Variants in ARHGEF4 observed in about 807,000 individuals in gnomAD.
ARHGEF4 encodes Rho guanine nucleotide exchange factor 4.
ARHGEF4 carries 119 observed loss-of-function variants against 162.0 expected under a neutral mutation model. The ratio of observed to expected loss-of-function variants is 0.73; its 90% CI spans 0.63 to 0.86. ARHGEF4 has a LOEUF of 0.86. Among genes scored for constraint, ARHGEF4 ranks in the 40% least tolerant of loss-of-function variants. ARHGEF4 has a pLI of 0.00. For synonymous variants in ARHGEF4, 1,014 were observed against 979.9 expected, an observed-to-expected ratio of 1.03 and a Z score of -0.65; for missense variants, 2,488 against 2,456.0, an observed-to-expected ratio of 1.01 and a Z score of -0.28.
intron 2 of ARHGEF4, among the ~76,000 whole-genome samples, chr2:130,919,844 C>G (rs1467807831): frequency 6.6e-6 from 1 of 151,722 alleles, no homozygotes; most frequent in African/African-American, 2.4e-5. Context: ...CCACTGCACT[C>G]CAACCTGGGC....
chr2:130,840,210 A>G (rs1016261181), intron 1 of ARHGEF4, among the ~76,000 whole-genome samples: 2 of 142,706 alleles, frequency 1.4e-5, no homozygotes, highest in African/African-American at 2.5e-5. Context: ...ACACAGGTGT[A>G]CACACAGGTG....
chr2:130,877,881 T>C (rs887071998), intron 1 of ARHGEF4, among the ~76,000 whole-genome samples: 46 of 152,228 alleles, frequency 3.0e-4, no homozygotes, highest in African/African-American at 1.1e-3. Flanking sequence ...TTTGACTGTT[T>C]GCTTTAACCA....
chr2:130,943,648 C>T (rs527324223), intron 3 of ARHGEF4, among the ~76,000 whole-genome samples: 11 of 151,990 alleles, frequency 7.2e-5, no homozygotes, highest in African/African-American at 1.4e-4. Context: ...TTAACATTTC[C>T]GTCTAGTTAG....
chr2:131,039,799 G>C lies in ARHGEF4; in HGVS notation c.4306-217G>C, dbSNP rs982081117. 4 of 1,407,122 alleles carry C rather than the reference G, an allele frequency of 2.8e-6. No homozygotes were observed. The African/African-American group carries it at 6.1e-5, about 21-fold the overall frequency. The allele number at this position is 1,407,122 out of a possible 1,614,324, so 87.2% of individuals were successfully genotyped here. Reference sequence around the variant, plus strand: ...AGGAAGGAGGCCAAATCGGTATTCGGATCACACTGACGGCGGCTGCGGGCG... The same window carrying C: ...AGGAAGGAGGCCAAATCGGTATTCGCATCACACTGACGGCGGCTGCGGGCG... On this transcript the variant is annotated intron_variant, in intron 6 of 13. Transcript: ENST00000409359.
chr2:130,920,546 G>A (rs1318254958), intron 2 of ARHGEF4, among the ~76,000 whole-genome samples: 5 of 152,186 alleles, frequency 3.3e-5, no homozygotes, highest in Admixed American at 3.3e-4. Context: ...AGCTCAGAAA[G>A]GTTCCCTCTG....
chr2:130,922,371 C>CA (rs879394025), intron 2 of ARHGEF4, among the ~76,000 whole-genome samples: 3,405 of 134,800 alleles, frequency 0.025, 111 homozygotes, highest in African/African-American at 0.085. Context: ...AACTCTGTCT[C>CA]AAAAAAAAAA....
intron 1 of ARHGEF4, among the ~76,000 whole-genome samples, chr2:130,865,522 G>A (rs577147217): frequency 2.6e-5 from 4 of 152,252 alleles, no homozygotes; most frequent in Non-Finnish European, 5.9e-5. Flanking sequence ...TAGTCATCAT[G>A]GTTATTTTCC....
intron 4 of ARHGEF4, among the ~76,000 whole-genome samples, chr2:131,015,005 G>A (rs893511576): frequency 2.6e-5 from 4 of 152,188 alleles, no homozygotes; most frequent in African/African-American, 9.7e-5. Flanking sequence ...TCTCACCTGT[G>A]TGTGAGCTGC....
intron 1 of ARHGEF4, among the ~76,000 whole-genome samples, chr2:130,901,574 G>A (rs1680492092): frequency 6.6e-6 from 1 of 151,354 alleles, no homozygotes; most frequent in Admixed American, 6.6e-5. Context: ...AGGCTGGAGT[G>A]CAATCACGCA....
At chr2:130,872,260 G>T (rs114422387) in intron 1 of ARHGEF4, among the ~76,000 whole-genome samples, 1 of 152,188 alleles carries the variant, frequency 6.6e-6, no homozygotes, top group Non-Finnish European at 1.5e-5. Context: ...GAGAGGGTGT[G>T]TGAGCGACAT....
intron 3 of ARHGEF4, among the ~76,000 whole-genome samples, chr2:130,933,711 G>A (rs1682776625): frequency 6.6e-6 from 1 of 152,116 alleles, no homozygotes; most frequent in Non-Finnish European, 1.5e-5. Context: ...ATTTTTAAAA[G>A]CTTCATTTTG....
intron 1 of ARHGEF4, among the ~76,000 whole-genome samples, chr2:130,909,546 C>T (rs571335312): frequency 1.2e-4 from 18 of 152,056 alleles, no homozygotes; most frequent in African/African-American, 3.4e-4. Context: ...AAGAGATCAA[C>T]GGTCATCATA....
rs1373735872 is a variant in ARHGEF4, at chr2:130,914,010, C to A, written c.64C>A (p.Pro22Thr). 6.5e-7 allele frequency: 1 copy of A among 1,535,964 alleles called. No individual in the cohort carries two copies. The highest frequency in any genetic ancestry group is 1.4e-5 in the African/African-American group (1 of 73,020). Reference protein sequence around the residue: ...FKTPEPGAHLPGEGEIEDNQL... With the variant: ...FKTPEPGAHLTGEGEIEDNQL... Reference sequence around the variant, plus strand: ...GACTCCAGAGCCAGGTGCACACCTGCCAGGTGAAGGTGAGATTGAAGATAA... The same window carrying A: ...GACTCCAGAGCCAGGTGCACACCTGACAGGTGAAGGTGAGATTGAAGATAA... Residue 22 changes from proline (P) to threonine (T), a missense_variant, in exon 2 of 14, where the codon CCA becomes ACA. Physicochemically the swap from Pro to Thr is conservative, Grantham distance 38. Around this residue, in one of 6 missense-constraint regions of ARHGEF4, gnomAD observed 171 missense variants for 169.4 expected, o/e 1.01. Transcript: ENST00000409359.
intron 5 of ARHGEF4, among the ~76,000 whole-genome samples, chr2:131,032,848 C>CTTTTTTTTTTTTTTTTTT (rs111971610): frequency 2.3e-5 from 3 of 128,610 alleles, no homozygotes; most frequent in African/African-American, 3.4e-5. Flanking sequence ...TTTCTTTTTT[C>CTTTTTTTTTTTTTTTTTT]TTTTTTTTTT....
chr2:130,872,507 C>T (rs1678555172), intron 1 of ARHGEF4, among the ~76,000 whole-genome samples: 1 of 152,160 alleles, frequency 6.6e-6, no homozygotes, highest in South Asian at 2.1e-4. Flanking sequence ...CCCCAGCCCT[C>T]CTCCGCACCT....
intron 1 of ARHGEF4, among the ~76,000 whole-genome samples, chr2:130,903,614 G>T (rs566572620): frequency 6.6e-6 from 1 of 152,108 alleles, no homozygotes; most frequent in South Asian, 2.1e-4. Context: ...GTTGCATGAC[G>T]CTGAGGTTTG....
At chr2:130,838,587 T>C (rs1472212852) in intron 1 of ARHGEF4, among the ~76,000 whole-genome samples, 21 of 149,060 alleles carry the variant, frequency 1.4e-4, no homozygotes, top group African/African-American at 1.5e-4. Context: ...GCATGGGTGA[T>C]AGAGCGAGAC....
chr2:130,943,395 T>C (rs1399867790), intron 3 of ARHGEF4, among the ~76,000 whole-genome samples: 1 of 152,212 alleles, frequency 6.6e-6, no homozygotes, highest in Non-Finnish European at 1.5e-5. Flanking sequence ...CTTTCCTTAA[T>C]TATTTTAATA....
Position 130,883,238 on chromosome 2 carries a change from G to A in ARHGEF4, c.40-30748G>A, listed in dbSNP as rs553227559. 1.1e-3 allele frequency among the ~76,000 whole-genome samples: 167 copies of A among 152,240 alleles called. 7 individuals are homozygous for A. The highest frequency in any genetic ancestry group is 3.8e-3 in the African/African-American group (158 of 41,488). The stretch of plus-strand genomic sequence containing the variant: ...GCATCTTCTCACACCAGACTTAAGA[G>A]GGTGGCCAGTGGGCATGGGGCCTCT... On this transcript the variant is annotated intron_variant, in intron 1 of 13. Transcript: ENST00000409359.
Sources: gnomAD v4.1 joint callset for allele counts (sites outside exome capture counted in the v4.1 genomes callset) on GRCh38, gnomAD v4.1.1 for gene constraint, gnomAD v4.1.1 regional missense constraint, MANE v1.5 for transcripts, NCBI Gene and HGNC (gene_info 2026-07-23, HGNC 2026-07-21) for gene names.